Variants in UBE2D2 observed in about 807,000 individuals in gnomAD.
UBE2D2 encodes ubiquitin conjugating enzyme E2 D2.
UBE2D2 carries 2 observed loss-of-function variants against 24.2 expected under a neutral mutation model. That is an observed-to-expected ratio of 0.08 (90% confidence interval 0.03 to 0.26). The LOEUF (loss-of-function observed/expected upper bound fraction) is 0.26. Among genes scored for constraint, UBE2D2 ranks in the 10% least tolerant of loss-of-function variants. UBE2D2 has a pLI of 1.00. For synonymous variants in UBE2D2, 58 were observed against 56.5 expected, an observed-to-expected ratio of 1.03 and a Z score of -0.12; for missense variants, 44 against 177.6, an observed-to-expected ratio of 0.25 and a Z score of 4.28.
At chr5:139,578,067 T>G (rs1341513701) in intron 1 of UBE2D2, among the ~76,000 whole-genome samples, 7 of 152,182 alleles carry the variant, frequency 4.6e-5, no homozygotes, top group Non-Finnish European at 1.0e-4. Flanking sequence ...CATCTGTCTA[T>G]TCACATAGAC....
At chr5:139,621,622 C>CT (rs1369737850) in intron 5 of UBE2D2, among the ~76,000 whole-genome samples, 380 of 145,794 alleles carry the variant, frequency 2.6e-3, no homozygotes, top group African/African-American at 6.0e-3. Flanking sequence ...GTGTGGCTGT[C>CT]TTTTTTTTTT....
chr5:139,603,623 GAAAAAAAAAA>G (rs1169340176), intron 2 of UBE2D2, among the ~76,000 whole-genome samples: 4 of 37,212 alleles, frequency 1.1e-4, no homozygotes, highest in African/African-American at 3.5e-4. Flanking sequence ...CTCTGTCTCC[GAAAAAAAAAA>G]AAAAAAAAAA....
chr5:139,627,937 A>G lies in UBE2D2; in HGVS notation c.*1136A>G, dbSNP rs1754665728. ...TCCAGGAACTTGATTGTTAAATTCA[A>G]TAAGAAATTTGCTTTATTAATGAAA... On this transcript the variant is annotated 3_prime_UTR_variant, in exon 7 of 7. Coordinates refer to ENST00000398733, the MANE Select transcript of UBE2D2 (RefSeq NM_003339.3). 6.5e-6 allele frequency: 1 copy of G among 152,806 alleles called. No homozygotes were observed. The highest frequency in any genetic ancestry group is 2.1e-4 in the South Asian group (1 of 4,828). 9.5% of individuals were successfully genotyped at this position (152,806 alleles called of 1,614,324 possible).
Position 139,561,761 on chromosome 5 carries a change from C to G in UBE2D2, c.-31C>G. On this transcript the variant is annotated 5_prime_UTR_variant, in exon 1 of 7. Transcript: ENST00000398733. Reference sequence around the variant, plus strand: ...CGTCCCTTCCCCGCCCCCGTCCCCGCCCCGGGGGCCGCCGCCACCCGCCTC... The same window carrying G: ...CGTCCCTTCCCCGCCCCCGTCCCCGGCCCGGGGGCCGCCGCCACCCGCCTC... The G allele has an allele frequency of 1.3e-6, 2 of 1,489,842 alleles. No individual in the cohort carries two copies. The highest frequency in any genetic ancestry group is 1.8e-6 in the Non-Finnish European group (2 of 1,126,870). The allele number at this position is 1,489,842 out of a possible 1,614,324, so 92.3% of individuals were successfully genotyped here.
intron 1 of UBE2D2, among the ~76,000 whole-genome samples, chr5:139,563,359 A>G (rs992854689): frequency 6.6e-6 from 1 of 152,192 alleles, no homozygotes; most frequent in African/African-American, 2.4e-5. Flanking sequence ...TTTAGACAAT[A>G]AATCTTGTAC....
chr5:139,562,470 T>C (rs1753132154), intron 1 of UBE2D2: 1 of 1,274,258 alleles, frequency 7.8e-7, no homozygotes, highest in Non-Finnish European at 1.0e-6. Flanking sequence ...GGTTGCTGTA[T>C]GTAGTTAGAA....
intron 1 of UBE2D2, among the ~76,000 whole-genome samples, chr5:139,529,310 A>G (rs983049273): frequency 3.9e-5 from 6 of 152,168 alleles, no homozygotes; most frequent in Non-Finnish European, 8.8e-5. Context: ...TGACACAAGT[A>G]AAGTAATAGC....
intron 1 of UBE2D2, among the ~76,000 whole-genome samples, chr5:139,550,838 G>A (rs900131625): frequency 6.6e-6 from 1 of 152,168 alleles, no homozygotes; most frequent in Non-Finnish European, 1.5e-5. Context: ...AAACACGTCT[G>A]AACATCAGAA....
Position 139,548,163 on chromosome 5 carries a change from C to CAAAAAAAAAAAAAAAA in UBE2D2, c.-64+21556_-64+21571dup, listed in dbSNP as rs749269739. On this transcript the variant is annotated intron_variant, in intron 1 of 6. Coordinates refer to the UBE2D2 transcript ENST00000511725. ...TGGGCGACAGAGCGAGACTCCGTCT[C>CAAAAAAAAAAAAAAAA]AAAAAAAAAAAAAAAAAAAATAAAA... 3.6e-4 allele frequency among the ~76,000 whole-genome samples: 12 copies of CAAAAAAAAAAAAAAAA among 32,928 alleles called. 1 individual carries two copies. Among genetic ancestry groups the CAAAAAAAAAAAAAAAA allele is most frequent in the Middle Eastern group, 0.011 (1 of 92 alleles). The allele number at this position is 32,928 out of a possible 152,430, so 21.6% of individuals were successfully genotyped here.
chr5:139,546,845 C>T (rs1255446768), intron 1 of UBE2D2, among the ~76,000 whole-genome samples: 3 of 143,770 alleles, frequency 2.1e-5, no homozygotes, highest in African/African-American at 7.6e-5. Context: ...TTCCTTCCTT[C>T]CTTCCTTCCT....
In UBE2D2 at chr5:139,628,299, CCCTTCTTTTCCT is replaced by C. The variant is rs1221173356; in HGVS notation, c.*1499_*1510del. The C allele has an allele frequency of 6.6e-6, 1 of 152,534 alleles. No homozygotes were observed. The highest frequency in any genetic ancestry group is 2.4e-5 in the African/African-American group (1 of 41,398). 9.4% of individuals were successfully genotyped at this position (152,534 alleles called of 1,614,324 possible). On this transcript the variant is annotated 3_prime_UTR_variant, in exon 7 of 7. Transcript: ENST00000398733. ...AACTAGGCAAGTTACCTTTTTTCCC[CCCTTCTTTTCCT>C]AATTGTAAACTAGGCCAACCTGAAA... is the stretch of plus-strand genomic sequence containing the variant.
intron 1 of UBE2D2, among the ~76,000 whole-genome samples, chr5:139,563,386 T>A (rs546529490): frequency 3.3e-5 from 5 of 152,270 alleles, no homozygotes; most frequent in Admixed American, 6.5e-5. Context: ...GAAATGGTAT[T>A]TGTTAAATAC....
At chr5:139,555,994 C>T (rs1193923498) in intron 1 of UBE2D2, among the ~76,000 whole-genome samples, 3 of 141,924 alleles carry the variant, frequency 2.1e-5, no homozygotes, top group Admixed American at 7.2e-5. Flanking sequence ...CCCAGCACTT[C>T]GGGAGGCTGA....
At chr5:139,610,932 T>C (rs1398664193) in intron 2 of UBE2D2, among the ~76,000 whole-genome samples, 8 of 152,108 alleles carry the variant, frequency 5.3e-5, no homozygotes, top group Non-Finnish European at 5.9e-5. Context: ...TTAGAAAGTT[T>C]CTTTCACTCT....
intron 1 of UBE2D2, among the ~76,000 whole-genome samples, chr5:139,544,943 A>AT (rs965609770): frequency 1.3e-5 from 2 of 150,626 alleles, no homozygotes; most frequent in Non-Finnish European, 3.0e-5. Flanking sequence ...CGCCCGGCTA[A>AT]TTTTTTTTTG....
chr5:139,537,043 CATG>C (rs1334325096), intron 1 of UBE2D2, among the ~76,000 whole-genome samples: 1 of 151,898 alleles, frequency 6.6e-6, no homozygotes, highest in Non-Finnish European at 1.5e-5. Context: ...ATTAGCCGGG[CATG>C]GTGGCGGATG....
intron 1 of UBE2D2, among the ~76,000 whole-genome samples, chr5:139,578,434 TTGTGTGTGTGTGTG>T (rs34697798): frequency 1.2e-4 from 17 of 144,970 alleles, no homozygotes; most frequent in Non-Finnish European, 1.7e-4. Context: ...GTTTTGTGTT[TTGTGTGTGTGTGTG>T]TGTGTGTGTG....
intron 2 of UBE2D2, among the ~76,000 whole-genome samples, chr5:139,609,747 T>C (rs1003870356): frequency 1.3e-5 from 2 of 150,828 alleles, no homozygotes; most frequent in Non-Finnish European, 3.0e-5. Context: ...TTTTAAGTTG[T>C]TTTCTTTCTT....
chr5:139,616,614 C>T (rs1754426421), intron 5 of UBE2D2, among the ~76,000 whole-genome samples: 1 of 152,140 alleles, frequency 6.6e-6, no homozygotes. Flanking sequence ...AGACAAAACA[C>T]TAATGAGGTA....
Sources: allele counts gnomAD v4.1 joint callset (sites outside exome capture counted in the v4.1 genomes callset), GRCh38; gene constraint gnomAD v4.1.1; transcripts MANE v1.5; gene names NCBI Gene and HGNC (gene_info 2026-07-23, HGNC 2026-07-21).